EBF1: variants seen among roughly 807,000 people sequenced by gnomAD.
The protein encoded by EBF1 is EBF transcription factor 1, also known as transcription factor COE1.
A neutral mutation model predicts 68.4 loss-of-function variants in EBF1; 10 were observed. That is an observed-to-expected ratio of 0.15 (90% CI 0.09 to 0.25). The LOEUF (loss-of-function observed/expected upper bound fraction) is 0.25, where lower values mean the gene tolerates loss of function less well. Ranked by LOEUF, EBF1 falls within the 10% of genes least tolerant of loss-of-function variation. The pLI is 1.00. For synonymous variants in EBF1, 298 were observed against 299.8 expected, an observed-to-expected ratio of 0.99 and a Z score of 0.06; for missense variants, 509 against 794.4, an observed-to-expected ratio of 0.64 and a Z score of 4.32.
intron 6 of EBF1, among the ~76,000 whole-genome samples, chr5:159,052,157 T>C (rs1392430607): frequency 6.6e-6 from 1 of 151,970 alleles, no homozygotes; most frequent in East Asian, 1.9e-4. Flanking sequence ...ACTAAATAAC[T>C]GCTGTTAAAA....
chr5:158,731,256 T>TATCAG, intron 10 of EBF1, 99 bp from the exon 11 acceptor site: 2 of 1,080,350 alleles, frequency 1.9e-6, no homozygotes, highest in Non-Finnish European at 2.7e-6. Context: ...AAGTCCAAAG[T>TATCAG]TTAACTGATA....
intron 6 of EBF1, among the ~76,000 whole-genome samples, chr5:158,996,844 T>G (rs1561745451): frequency 6.6e-6 from 1 of 152,172 alleles, no homozygotes; most frequent in African/African-American, 2.4e-5. Flanking sequence ...ATGAAATATG[T>G]TATACCTCCT....
chr5:158,710,966 G>A (rs560541580), intron 14 of EBF1, among the ~76,000 whole-genome samples: 5 of 152,286 alleles, frequency 3.3e-5, no homozygotes, highest in South Asian at 2.1e-4. Flanking sequence ...GTGAGAACAC[G>A]GGTTATGACA....
chr5:159,092,425 C>T (rs1400680916), intron 4 of EBF1, among the ~76,000 whole-genome samples: 1 of 152,246 alleles, frequency 6.6e-6, no homozygotes, highest in Non-Finnish European at 1.5e-5. Context: ...CTTATATATT[C>T]ATTTCTAATG....
At chr5:158,870,500 A>G (rs891865949) in intron 6 of EBF1, among the ~76,000 whole-genome samples, 3 of 152,110 alleles carry the variant, frequency 2.0e-5, no homozygotes, top group African/African-American at 4.8e-5. Flanking sequence ...CCTGGGCAAC[A>G]TGGCAAAACC....
In EBF1 at chr5:159,088,356, GCC is replaced by G. The variant is rs1781077404; in HGVS notation, c.412-3619_412-3618del. Among the ~76,000 whole-genome samples, 3 of 152,104 alleles carry G rather than the reference GCC, an allele frequency of 2.0e-5. No homozygotes were observed. In the South Asian group the frequency reaches 6.2e-4, roughly 32 times the overall value. ...CTGCAGCTTGCACACCCAACTGATA[GCC>G]CTACATCAATTTTACCATCTACATT... On this transcript the variant is annotated intron_variant, in intron 4 of 15. Transcript: ENST00000313708.
chr5:158,956,175 C>A (rs1817032186), intron 6 of EBF1, among the ~76,000 whole-genome samples: 1 of 151,986 alleles, frequency 6.6e-6, no homozygotes, highest in Non-Finnish European at 1.5e-5. Context: ...CTCCAGTCCA[C>A]AGTCTTGTAG....
chr5:158,954,894 C>G (rs758209443), intron 6 of EBF1, among the ~76,000 whole-genome samples: 1 of 152,108 alleles, frequency 6.6e-6, no homozygotes, highest in Non-Finnish European at 1.5e-5. Flanking sequence ...CGGAGCCAAG[C>G]AAAGTGTGAG....
chr5:158,730,456 A>T (rs1466222726), intron 11 of EBF1, among the ~76,000 whole-genome samples: 1 of 152,196 alleles, frequency 6.6e-6, no homozygotes, highest in Non-Finnish European at 1.5e-5. Context: ...TTAATGATGT[A>T]TTGGTGACAT....
At chr5:158,731,231 G>A (rs1458055436) in intron 10 of EBF1, 74 bp from the exon 11 acceptor site, 7 of 1,390,970 alleles carry the variant, frequency 5.0e-6, no homozygotes, top group Non-Finnish European at 7.0e-6. Context: ...CACTAATGGT[G>A]TGGAAATAAC....
At chr5:159,095,924 T>C (rs138340291) in intron 3 of EBF1, among the ~76,000 whole-genome samples, 118 of 152,334 alleles carry the variant, frequency 7.7e-4, no homozygotes, top group African/African-American at 2.7e-3. Context: ...GTTCTGCAGC[T>C]GGGACTGGGA....
intron 6 of EBF1, among the ~76,000 whole-genome samples, chr5:159,056,597 T>TG (rs1774777791): frequency 6.6e-6 from 1 of 152,220 alleles, no homozygotes; most frequent in South Asian, 2.1e-4. Flanking sequence ...TAGGCAAAAC[T>TG]GTACACAAAA....
At chr5:158,826,619 G>A (rs1786186683) in intron 7 of EBF1, among the ~76,000 whole-genome samples, 2 of 152,114 alleles carry the variant, frequency 1.3e-5, no homozygotes, top group African/African-American at 4.8e-5. Flanking sequence ...TATATTTTTG[G>A]AATGAAATTT....
intron 6 of EBF1, among the ~76,000 whole-genome samples, chr5:158,888,565 T>C (rs1264946125): frequency 4.6e-5 from 7 of 152,200 alleles, no homozygotes; most frequent in Non-Finnish European, 1.0e-4. Context: ...ACTATATCTT[T>C]TCAATTTAAA....
chr5:158,723,811 T>C (rs1200934423), intron 11 of EBF1, among the ~76,000 whole-genome samples: 1 of 152,106 alleles, frequency 6.6e-6, no homozygotes, highest in Non-Finnish European at 1.5e-5. Context: ...GATAAATAAC[T>C]TAAAGAGGTG....
intron 6 of EBF1, among the ~76,000 whole-genome samples, chr5:158,937,622 C>G (rs977323920): frequency 2.0e-5 from 3 of 152,216 alleles, no homozygotes; most frequent in African/African-American, 7.2e-5. Flanking sequence ...GGCTGAATAT[C>G]AGGGCAACCT....
chr5:158,946,631 G>A (rs1814786363), intron 6 of EBF1, among the ~76,000 whole-genome samples: 1 of 152,232 alleles, frequency 6.6e-6, no homozygotes, highest in African/African-American at 2.4e-5. Context: ...GACCACTGCT[G>A]GGAGGTGTCT....
At chr5:158,928,248 C>G in intron 6 of EBF1, among the ~76,000 whole-genome samples, 1 of 152,050 alleles carries the variant, frequency 6.6e-6, no homozygotes, top group East Asian at 1.9e-4. Context: ...TTGTAAAGAT[C>G]AAATGATATG....
At chr5:158,883,355 T>C (rs919581803) in intron 6 of EBF1, among the ~76,000 whole-genome samples, 3 of 151,296 alleles carry the variant, frequency 2.0e-5, no homozygotes, top group African/African-American at 7.3e-5. Context: ...CATGTATATA[T>C]ATATATACAC....
Sources: gnomAD v4.1 joint callset for allele counts (sites outside exome capture counted in the v4.1 genomes callset) on GRCh38, gnomAD v4.1.1 for gene constraint, MANE v1.5 for transcripts, NCBI Gene and HGNC (gene_info 2026-07-23, HGNC 2026-07-21) for gene names.